BBS9: variants seen among roughly 807,000 people sequenced by gnomAD.
BBS9 encodes protein PTHB1.
Under a neutral mutation model 117.7 loss-of-function variants are expected in BBS9, and 89 were observed. That is an observed-to-expected ratio of 0.76 (90% CI 0.64 to 0.90). The LOEUF (loss-of-function observed/expected upper bound fraction) is 0.90, where lower values mean the gene tolerates loss of function less well. Among genes scored for constraint, BBS9 ranks in the 40% least tolerant of loss-of-function variants. BBS9 has a pLI of 0.00. For missense variants in BBS9, 982 were observed against 1,042.2 expected, an observed-to-expected ratio of 0.94 and a Z score of 0.80; for synonymous variants, 379 against 370.9, an observed-to-expected ratio of 1.02 and a Z score of -0.25.
intron 5 of BBS9, among the ~76,000 whole-genome samples, chr7:33,233,111 A>G (rs912840247): frequency 6.6e-6 from 1 of 152,124 alleles, no homozygotes; most frequent in Admixed American, 6.6e-5. Context: ...GGGGGTTGAG[A>G]AATGAGCCAT....
intron 5 of BBS9, among the ~76,000 whole-genome samples, chr7:33,234,625 A>G (rs1354788318): frequency 6.6e-6 from 1 of 151,982 alleles, no homozygotes; most frequent in African/African-American, 2.4e-5. Flanking sequence ...CTTGAAATCT[A>G]TTTATCATCT....
intron 19 of BBS9, among the ~76,000 whole-genome samples, chr7:33,449,488 A>G (rs368403228): frequency 9.2e-5 from 14 of 152,110 alleles, no homozygotes; most frequent in African/African-American, 3.4e-4. Context: ...GGAGCCCTGG[A>G]GAGGCTTGGG....
At chr7:33,165,814 G>A (rs753801703) in intron 4 of BBS9, among the ~76,000 whole-genome samples, 6 of 152,006 alleles carry the variant, frequency 3.9e-5, no homozygotes, top group Admixed American at 1.3e-4. Flanking sequence ...TGTTATTACC[G>A]ACCTTCTGAA....
chr7:33,464,659 C>T (rs1839914659), intron 19 of BBS9, among the ~76,000 whole-genome samples: 1 of 151,722 alleles, frequency 6.6e-6, no homozygotes, highest in Admixed American at 6.6e-5. Context: ...ATAAAAAGTG[C>T]TAGTGATTTC....
At chr7:33,254,201 A>G (rs757805479) in intron 5 of BBS9, among the ~76,000 whole-genome samples, 1 of 152,134 alleles carries the variant, frequency 6.6e-6, no homozygotes, top group Non-Finnish European at 1.5e-5. Context: ...CACAGCTGAC[A>G]GTGTCTTCAC....
At chr7:33,344,435 T>C in intron 11 of BBS9, 146 bp from the exon 12 acceptor site, 1 of 804,628 alleles carries the variant, frequency 1.2e-6, no homozygotes, top group South Asian at 1.5e-5. Context: ...AGCCAGATTG[T>C]CTCTTTTAGT....
At chr7:33,155,275 G>A (rs915370968) in intron 3 of BBS9, among the ~76,000 whole-genome samples, 69 of 152,110 alleles carry the variant, frequency 4.5e-4, no homozygotes, top group African/African-American at 1.6e-3. Flanking sequence ...ATAGGCTCAG[G>A]GAGATTTTAG....
At chr7:33,499,034 A>G (rs972290631) in intron 19 of BBS9, among the ~76,000 whole-genome samples, 5 of 152,156 alleles carry the variant, frequency 3.3e-5, no homozygotes, top group African/African-American at 1.2e-4. Context: ...GTTATTGTCC[A>G]TCTTTTTACT....
rs1238854328 is a variant in BBS9, at chr7:33,605,216, T to C, written c.2654T>C (p.Val885Ala). The change falls in exon 23 of 23, where the codon GTC becomes GCC. Residue 885 changes from valine (V) to alanine (A), a missense_variant. Val to Ala is a moderately conservative substitution (Grantham distance 64). Transcript: ENST00000242067. ...PRPEVSPLQG[V>A]SE ...CCAGAAGTTTCACCCCTCCAAGGAG[T>C]CTCGGAATAATTCAAGTAGAGTTGT... 10 of 1,612,672 alleles carry C rather than the reference T, an allele frequency of 6.2e-6. No homozygotes were observed. Among genetic ancestry groups the C allele is most frequent in the Non-Finnish European group, 7.6e-6 (9 of 1,178,910 alleles).
chr7:33,129,455 T>C, upstream of BBS9: 1 of 227,442 alleles, frequency 4.4e-6, no homozygotes. Flanking sequence ...ACCGCGGCCC[T>C]CTCAGAAGTC....
At chr7:33,490,200 G>A (rs1843704748) in intron 19 of BBS9, among the ~76,000 whole-genome samples, 1 of 152,108 alleles carries the variant, frequency 6.6e-6, no homozygotes, top group African/African-American at 2.4e-5. Context: ...GTTTAGAGGG[G>A]CCCCTTATCC....
intron 20 of BBS9, among the ~76,000 whole-genome samples, chr7:33,531,697 T>G (rs1341494562): frequency 4.6e-5 from 7 of 152,164 alleles, no homozygotes; most frequent in Non-Finnish European, 1.5e-5. Flanking sequence ...TTAGATTTAT[T>G]CTGCATGCCT....
At chr7:33,341,624 T>C (rs1316929383) in intron 11 of BBS9, among the ~76,000 whole-genome samples, 4 of 90,608 alleles carry the variant, frequency 4.4e-5, no homozygotes, top group Non-Finnish European at 6.6e-5. Flanking sequence ...ATTTTACTTC[T>C]TTCTACATTA....
intron 21 of BBS9, among the ~76,000 whole-genome samples, chr7:33,592,271 G>A (rs1419870663): frequency 6.6e-6 from 1 of 151,932 alleles, no homozygotes; most frequent in African/African-American, 2.4e-5. Flanking sequence ...GCATTGTGAT[G>A]AGCCCCATTA....
At chr7:33,388,643 T>C (rs560347189) in intron 19 of BBS9, among the ~76,000 whole-genome samples, 6 of 152,202 alleles carry the variant, frequency 3.9e-5, no homozygotes, top group Non-Finnish European at 5.9e-5. Flanking sequence ...ATATATTTTT[T>C]CTTCTTGATC....
At chr7:33,397,958 A>C (rs1421917148) in intron 19 of BBS9, among the ~76,000 whole-genome samples, 1 of 152,172 alleles carries the variant, frequency 6.6e-6, no homozygotes, top group South Asian at 2.1e-4. Context: ...CATCCTGCAC[A>C]TGTACCCTTG....
intron 21 of BBS9, among the ~76,000 whole-genome samples, chr7:33,545,924 CTTTTTTTTTTT>C (rs10537037): frequency 1.1e-4 from 7 of 64,612 alleles, no homozygotes; most frequent in East Asian, 1.0e-3. Flanking sequence ...CTTTATAATC[CTTTTTTTTTTT>C]TTTTTTTTTT....
At chr7:33,407,013 A>G (rs1437538383) in intron 19 of BBS9, among the ~76,000 whole-genome samples, 2 of 108,092 alleles carry the variant, frequency 1.9e-5, no homozygotes, top group Non-Finnish European at 3.9e-5. Flanking sequence ...TCTCCTGGAT[A>G]ATATCCTGCA....
chr7:33,627,849 C>T (rs1441362705), intron 21 of BBS9, among the ~76,000 whole-genome samples: 1 of 152,090 alleles, frequency 6.6e-6, no homozygotes, highest in Non-Finnish European at 1.5e-5. Context: ...TTGAGACCAG[C>T]CTGAGCAACA....
Sources: allele counts gnomAD v4.1 joint callset (sites outside exome capture counted in the v4.1 genomes callset), GRCh38; gene constraint gnomAD v4.1.1; transcripts MANE v1.5; gene names NCBI Gene and HGNC (gene_info 2026-07-23, HGNC 2026-07-21).